MVB12B: variants seen among roughly 807,000 people sequenced by gnomAD.
The protein encoded by MVB12B is ESCRT-I complex subunit MVB12B.
A neutral mutation model predicts 41.6 loss-of-function variants in MVB12B; 16 were observed. That is an observed-to-expected ratio of 0.38 (90% CI 0.26 to 0.58). The LOEUF (loss-of-function observed/expected upper bound fraction) is 0.58, where lower values mean the gene tolerates loss of function less well. Among genes scored for constraint, MVB12B ranks in the 20% least tolerant of loss-of-function variants. MVB12B has a pLI of 0.62. For synonymous variants in MVB12B, 133 were observed against 139.7 expected (o/e 0.95, Z 0.34); for missense variants, 274 against 380.2 (o/e 0.72, Z 2.32).
chr9:126,474,237 C>A (rs983935811), intron 7 of MVB12B, among the ~76,000 whole-genome samples: 3 of 152,202 alleles, frequency 2.0e-5, no homozygotes, highest in Non-Finnish European at 2.9e-5. Context: ...GCATGTCACC[C>A]TGCATGGGAC....
At chr9:126,337,636 G>T (rs1428916965) in intron 1 of MVB12B, among the ~76,000 whole-genome samples, 2 of 152,212 alleles carry the variant, frequency 1.3e-5, no homozygotes, top group Non-Finnish European at 2.9e-5. Flanking sequence ...CCACCTCCCA[G>T]GTTTGATGTG....
At chr9:126,457,200 C>T (rs183516310) in intron 7 of MVB12B, among the ~76,000 whole-genome samples, 1 of 152,332 alleles carries the variant, frequency 6.6e-6, no homozygotes, top group African/African-American at 2.4e-5. Context: ...CCAAGTCTCT[C>T]CCCTTTCTTA....
At chr9:126,354,553 T>C (rs1829831425) in intron 2 of MVB12B, among the ~76,000 whole-genome samples, 1 of 152,242 alleles carries the variant, frequency 6.6e-6, no homozygotes, top group African/African-American at 2.4e-5. Context: ...GATACCACTG[T>C]AAGCGAGTGA....
intron 6 of MVB12B, among the ~76,000 whole-genome samples, chr9:126,398,051 G>A (rs1014764429): frequency 9.2e-5 from 14 of 152,058 alleles, no homozygotes; most frequent in African/African-American, 2.4e-4. Flanking sequence ...ATTAACGTGC[G>A]CTGGCAGCCT....
chr9:126,336,954 C>A (rs537401541), intron 1 of MVB12B, among the ~76,000 whole-genome samples: 1 of 152,338 alleles, frequency 6.6e-6, no homozygotes, highest in South Asian at 2.1e-4. Flanking sequence ...GTAAGAGGAC[C>A]TGCTCAAGGT....
intron 2 of MVB12B, among the ~76,000 whole-genome samples, chr9:126,354,359 A>G (rs1344448006): frequency 6.6e-6 from 1 of 152,140 alleles, no homozygotes; most frequent in Non-Finnish European, 1.5e-5. Flanking sequence ...ATATCTGTCA[A>G]TCTTTTTCTT....
intron 6 of MVB12B, among the ~76,000 whole-genome samples, chr9:126,404,749 A>G (rs1267676427): frequency 6.6e-6 from 1 of 152,238 alleles, no homozygotes; most frequent in Non-Finnish European, 1.5e-5. Flanking sequence ...TCCCAGCACC[A>G]CCATCCCTCC....
At chr9:126,472,186 G>A (rs540338507) in intron 7 of MVB12B, among the ~76,000 whole-genome samples, 53 of 152,176 alleles carry the variant, frequency 3.5e-4, no homozygotes, top group Admixed American at 8.5e-4. Flanking sequence ...TTGGTCAGTG[G>A]TGGGTTTGTG....
intron 7 of MVB12B, among the ~76,000 whole-genome samples, chr9:126,446,925 T>TG (rs1183922081): frequency 6.9e-6 from 1 of 144,002 alleles, no homozygotes; most frequent in Non-Finnish European, 1.5e-5. Context: ...TATTAGTTCT[T>TG]TTTTTTAACT....
chr9:126,355,269 C>T (rs1829850832), intron 2 of MVB12B, among the ~76,000 whole-genome samples: 1 of 152,214 alleles, frequency 6.6e-6, no homozygotes, highest in South Asian at 2.1e-4. Flanking sequence ...CTCCAGCTAG[C>T]AGGTGAGGGG....
chr9:126,404,098 C>T (rs1483657723), intron 6 of MVB12B, among the ~76,000 whole-genome samples: 1 of 151,816 alleles, frequency 6.6e-6, no homozygotes, highest in Non-Finnish European at 1.5e-5. Context: ...GGACTACAAA[C>T]ATGTGCCACC....
intron 2 of MVB12B, among the ~76,000 whole-genome samples, chr9:126,352,820 T>G (rs1033040020): frequency 3.2e-4 from 49 of 152,266 alleles, no homozygotes; most frequent in African/African-American, 1.1e-3. Flanking sequence ...AGAATCTGTT[T>G]ATTTCTAAGC....
In MVB12B at chr9:126,391,554, G is replaced by A. The variant is rs1416911792; in HGVS notation, c.410-512G>A. Among the ~76,000 whole-genome samples the A allele has an allele frequency of 2.0e-5, 3 of 152,158 alleles. No homozygotes were observed. Among genetic ancestry groups the A allele is most frequent in the Non-Finnish European group, 4.4e-5 (3 of 68,030 alleles). On this transcript the variant is annotated intron_variant, in intron 4 of 9. Transcript: ENST00000361171. The surrounding 1 kb of genome is among the most constrained non-coding windows in gnomAD (Gnocchi z 4.4). ...TGGTGACATAACGTAGTGTCGTCAG[G>A]GATTCATTTTAAATATCCAGCAAAA...
At position 126,398,684 on chromosome 9, in the gene MVB12B, G is replaced by A. The variant is rs545075101; in HGVS notation, c.662+2987G>A. On this transcript the variant is annotated intron_variant, in intron 6 of 9. Transcript: ENST00000361171. ...GCGCCCTCTACTGCCCAGCCGTGGCGGTGGCGGGGAATGCGGTTCTGAGCC... is the reference window on the plus strand; with the variant it reads ...GCGCCCTCTACTGCCCAGCCGTGGCAGTGGCGGGGAATGCGGTTCTGAGCC... 8.5e-5 allele frequency among the ~76,000 whole-genome samples: 13 copies of A among 152,342 alleles called. 1 individual carries two copies. The South Asian group carries it at 2.5e-3, about 29-fold the overall frequency.
chr9:126,354,257 G>A (rs1022846969), intron 2 of MVB12B, among the ~76,000 whole-genome samples: 11 of 151,752 alleles, frequency 7.2e-5, no homozygotes, highest in Admixed American at 2.0e-4. Flanking sequence ...TTTTTCTCTC[G>A]GACTGTCAAT....
At chr9:126,347,505 T>G (rs1253863464) in intron 2 of MVB12B, among the ~76,000 whole-genome samples, 6 of 152,264 alleles carry the variant, frequency 3.9e-5, no homozygotes, top group African/African-American at 1.4e-4. Flanking sequence ...GAGTTTCAAA[T>G]GCTTGAATGC....
At chr9:126,463,091 T>G (rs1564340437) in intron 7 of MVB12B, among the ~76,000 whole-genome samples, 1 of 152,196 alleles carries the variant, frequency 6.6e-6, no homozygotes, top group Non-Finnish European at 1.5e-5. Flanking sequence ...TGCGGGCTGG[T>G]CCATTGGAGC....
intron 8 of MVB12B, 48 bp downstream of exon 8, chr9:126,481,472 G>A: frequency 7.2e-7 from 1 of 1,389,020 alleles, no homozygotes. Context: ...CCCCCAGCCT[G>A]AGGTCCCTCC....
intron 2 of MVB12B, among the ~76,000 whole-genome samples, chr9:126,343,265 C>T (rs1490764600): frequency 1.3e-5 from 2 of 152,198 alleles, no homozygotes; most frequent in Non-Finnish European, 2.9e-5. Flanking sequence ...CCCACACTAT[C>T]TGGGAGTGAC....
Sources: gnomAD v4.1 joint callset for allele counts (sites outside exome capture counted in the v4.1 genomes callset) on GRCh38, gnomAD v4.1.1 for gene constraint, Gnocchi (gnomAD v3.1) non-coding constraint, MANE v1.5 for transcripts, NCBI Gene and HGNC (gene_info 2026-07-23, HGNC 2026-07-21) for gene names.